The following VPS13D variants were observed in gnomAD, a reference collection of about 807,000 sequenced individuals.
The protein encoded by VPS13D is vacuolar protein sorting 13 homolog D, also known as intermembrane lipid transfer protein VPS13D.
Under a neutral mutation model 461.9 loss-of-function variants are expected in VPS13D, and 187 were observed. The observed-to-expected ratio is 0.40, with a 90% confidence interval of 0.36 to 0.46. The LOEUF (loss-of-function observed/expected upper bound fraction) is 0.46, where lower values mean the gene tolerates loss of function less well. Ranked by LOEUF, VPS13D falls within the 20% of genes least tolerant of loss-of-function variation. The pLI, the probability that VPS13D is intolerant of heterozygous loss-of-function variation, is 0.60. For synonymous variants in VPS13D, 1,951 were observed against 1,986.3 expected (o/e 0.98, Z 0.47); for missense variants, 4,711 against 5,364.9 (o/e 0.88, Z 3.81).
chr1:12,454,178 G>T (rs1645297117), intron 65 of VPS13D, among the ~76,000 whole-genome samples: 1 of 152,126 alleles, frequency 6.6e-6, no homozygotes, highest in African/African-American at 2.4e-5. Context: ...TGCAGAGGAG[G>T]CTCAGAGGTA....
chr1:12,481,398 A>G lies in VPS13D; in HGVS notation c.12663-16102A>G, dbSNP rs531227294. Among the ~76,000 whole-genome samples the G allele has an allele frequency of 2.0e-5, 3 of 152,250 alleles. 1 individual carries two copies. The highest frequency in any genetic ancestry group is 6.5e-5 in the Admixed American group (1 of 15,298). On this transcript the variant is annotated intron_variant, in intron 67 of 69. Coordinates refer to ENST00000620676, the MANE Select transcript of VPS13D (RefSeq NM_015378.4). ...CTAGCCTCTTTCCCCACTGGCTTCC[A>G]CCAAGTTCTAACACATTTTATATAT...
At position 12,511,245 on chromosome 1, in the gene VPS13D, C is replaced by G. The variant is rs897946390; in HGVS notation, c.*2221C>G. On this transcript the variant is annotated 3_prime_UTR_variant, in exon 70 of 70. Transcript: ENST00000620676. The surrounding 1 kb of genome is among the most constrained non-coding windows in gnomAD (Gnocchi z 4.5). ...CAACCAAGCACTTTGACATTTGCAC[C>G]TTAGGAGAGGCAGATGTTAAAATGG... 1 of 148,052 alleles carries G rather than the reference C, an allele frequency of 6.8e-6. No homozygotes were observed. The highest frequency in any genetic ancestry group is 2.3e-4 in the South Asian group (1 of 4,364). 9.2% of individuals were successfully genotyped at this position (148,052 alleles called of 1,614,324 possible). A position where few individuals can be genotyped will look rare whatever the true frequency, so the allele number is the denominator to read the frequency against.
chr1:12,434,129 G>A (rs1340957680), intron 65 of VPS13D, among the ~76,000 whole-genome samples: 2 of 152,126 alleles, frequency 1.3e-5, no homozygotes, highest in African/African-American at 2.4e-5. Flanking sequence ...GCCTGATGCC[G>A]TATTGGTTTT....
intron 39 of VPS13D, chr1:12,337,694 T>G (rs1643481021): frequency 6.6e-6 from 1 of 152,336 alleles, no homozygotes; most frequent in African/African-American, 2.4e-5. Flanking sequence ...TTCTGAAAAC[T>G]TCCATGCTTG....
chr1:12,247,242 C>T (rs541939903), intron 5 of VPS13D, among the ~76,000 whole-genome samples: 5 of 152,054 alleles, frequency 3.3e-5, no homozygotes, highest in South Asian at 4.2e-4. Flanking sequence ...GGTGAAACCC[C>T]GTCTCTGCTA....
intron 17 of VPS13D, 106 bp from the exon 18 acceptor site, chr1:12,272,897 T>G (rs1324549772): frequency 6.8e-7 from 1 of 1,469,002 alleles, no homozygotes; most frequent in African/African-American, 1.4e-5. Context: ...ATTAGATCAC[T>G]GAGTCACTCC....
At chr1:12,411,721 C>A (rs539162588) in intron 63 of VPS13D, among the ~76,000 whole-genome samples, 1 of 152,290 alleles carries the variant, frequency 6.6e-6, no homozygotes, top group African/African-American at 2.4e-5. Context: ...GCTGGTCTCA[C>A]CAGTGGTTGT....
At chr1:12,447,795 G>T (rs775887229) in intron 65 of VPS13D, among the ~76,000 whole-genome samples, 2 of 152,186 alleles carry the variant, frequency 1.3e-5, no homozygotes, top group African/African-American at 2.4e-5. Context: ...AAGAATGGAG[G>T]TCTTGTGACT....
In VPS13D at chr1:12,349,250, A is replaced by G. The variant is rs1171825198; in HGVS notation, c.9307A>G (p.Lys3103Glu). 6.2e-7 allele frequency: 1 copy of G among 1,614,018 alleles called. No homozygotes were observed. The highest frequency in any genetic ancestry group is 2.2e-5 in the East Asian group (1 of 44,890). The change falls in exon 46 of 70, where the codon AAA (lysine) becomes GAA (glutamate). Residue 3103 changes from lysine (K) to glutamate (E), a missense_variant. Coordinates refer to ENST00000620676, the MANE Select transcript of VPS13D (RefSeq NM_015378.4). ...LTSWRLQARP[K>E]GLGVFFCKAP... ...TTCTTGGCGGCTACAGGCCCGGCCC[A>G]AAGGATTGGGTGTATTTTTCTGTAA...
intron 67 of VPS13D, among the ~76,000 whole-genome samples, chr1:12,492,087 T>C (rs1264138244): frequency 6.6e-6 from 1 of 152,190 alleles, no homozygotes; most frequent in Non-Finnish European, 1.5e-5. Context: ...CCCAGAATTA[T>C]TGTATCAAGA....
At chr1:12,298,724 G>A (rs1274346904) in intron 24 of VPS13D, among the ~76,000 whole-genome samples, 3 of 150,454 alleles carry the variant, frequency 2.0e-5, no homozygotes, top group African/African-American at 4.9e-5. Flanking sequence ...TCTGATTGTC[G>A]GTTTCCTATA....
At chr1:12,371,604 G>C (rs1644118242) in intron 54 of VPS13D, among the ~76,000 whole-genome samples, 1 of 151,952 alleles carries the variant, frequency 6.6e-6, no homozygotes, top group African/African-American at 2.4e-5. Context: ...TGTTGGTCAG[G>C]CTGGTCTCGA....
chr1:12,385,445 G>T, intron 59 of VPS13D, 72 bp downstream of exon 59: 1 of 1,275,676 alleles, frequency 7.8e-7, no homozygotes, highest in Non-Finnish European at 1.1e-6. Flanking sequence ...TGGTATTTTA[G>T]ACCTTCTGTT....
intron 65 of VPS13D, among the ~76,000 whole-genome samples, chr1:12,436,821 G>A (rs997667351): frequency 2.0e-5 from 3 of 151,864 alleles, no homozygotes; most frequent in African/African-American, 7.3e-5. Flanking sequence ...GGCATGCACC[G>A]CCACGCCTGG....
chr1:12,356,578 A>G, intron 49 of VPS13D, 54 bp downstream of exon 49: 2 of 1,592,520 alleles, frequency 1.3e-6, no homozygotes, highest in Non-Finnish European at 1.7e-6. Flanking sequence ...AAGGGAAGAA[A>G]TTAGTAAAGG....
intron 29 of VPS13D, 101 bp downstream of exon 29, chr1:12,312,026 AGATGGAAT>A: frequency 1.0e-6 from 1 of 954,414 alleles, no homozygotes; most frequent in Non-Finnish European, 1.6e-6. Context: ...GGTGGCCCAC[AGATGGAAT>A]GTTGTCTGCA....
intron 65 of VPS13D, among the ~76,000 whole-genome samples, chr1:12,432,656 C>T (rs1472984253): frequency 6.6e-6 from 1 of 151,066 alleles, no homozygotes; most frequent in Non-Finnish European, 1.5e-5. Context: ...AGTGCAATGG[C>T]ACCATCTTGT....
chr1:12,424,854 G>T (rs752132516), intron 65 of VPS13D, among the ~76,000 whole-genome samples: 5 of 152,044 alleles, frequency 3.3e-5, no homozygotes, highest in Non-Finnish European at 7.4e-5. Context: ...AGCCTGTGTG[G>T]TAGAAAAGTA....
chr1:12,275,723 A>C (rs777596840), intron 18 of VPS13D, 102 bp from the exon 19 acceptor site: 27 of 1,226,528 alleles, frequency 2.2e-5, no homozygotes, highest in Non-Finnish European at 3.0e-5. Context: ...TTCTTAAACA[A>C]ACTGGGGTTG....
Sources: allele counts gnomAD v4.1 joint callset (sites outside exome capture counted in the v4.1 genomes callset), GRCh38; gene constraint gnomAD v4.1.1; non-coding constraint Gnocchi (gnomAD v3.1); transcripts MANE v1.5; gene names NCBI Gene and HGNC (gene_info 2026-07-23, HGNC 2026-07-21).